LARP1B: variants seen among roughly 807,000 people sequenced by gnomAD.
LARP1B encodes the protein la-related protein 1B.
In LARP1B, 76 loss-of-function variants were observed where a neutral mutation model predicts 114.2. That is an observed-to-expected ratio of 0.67 (90% CI 0.55 to 0.81). LARP1B has a LOEUF of 0.81. Among genes scored for constraint, LARP1B ranks in the 30% least tolerant of loss-of-function variants. LARP1B has a pLI of 0.00. For synonymous variants in LARP1B, 345 were observed against 348.0 expected (o/e 0.99, Z 0.10); for missense variants, 1,014 against 1,075.8 (o/e 0.94, Z 0.80).
At chr4:128,162,357 T>G in intron 12 of LARP1B, 40 bp downstream of exon 12, 3 of 1,562,026 alleles carry the variant, frequency 1.9e-6, no homozygotes, top group Non-Finnish European at 2.6e-6. Flanking sequence ...TGAATAGTAT[T>G]AAAGCAGTTC....
At chr4:128,196,248 C>CAAAAAAAAAAAA (rs35423896) in intron 15 of LARP1B, among the ~76,000 whole-genome samples, 3 of 88,564 alleles carry the variant, frequency 3.4e-5, no homozygotes, top group African/African-American at 4.4e-5. Context: ...GAGAGTCTGT[C>CAAAAAAAAAAAA]AAAAAAAAAA....
chr4:128,156,462 G>A (rs1222579699), intron 11 of LARP1B, among the ~76,000 whole-genome samples: 1 of 152,004 alleles, frequency 6.6e-6, no homozygotes, highest in Non-Finnish European at 1.5e-5. Flanking sequence ...CATTTCTGCC[G>A]GAGGAATCCT....
intron 5 of LARP1B, among the ~76,000 whole-genome samples, chr4:128,082,696 C>T (rs1158396355): frequency 1.3e-5 from 2 of 151,058 alleles, no homozygotes; most frequent in Admixed American, 6.6e-5. Context: ...GTAGGATAAT[C>T]GTATTGTAGA....
downstream of LARP1B, among the ~76,000 whole-genome samples, chr4:128,212,391 C>T (rs1433255491): frequency 6.6e-6 from 1 of 152,078 alleles, no homozygotes; most frequent in African/African-American, 2.4e-5. Flanking sequence ...TGCCTGTAAT[C>T]CCAGCACTTT....
chr4:128,109,323 T>G (rs1036786773), intron 9 of LARP1B, among the ~76,000 whole-genome samples: 1 of 152,148 alleles, frequency 6.6e-6, no homozygotes, highest in African/African-American at 2.4e-5. Context: ...TTTGAAGACC[T>G]TAAAATTTTA....
At chr4:128,084,811 CT>C (rs1198824241) in intron 5 of LARP1B, among the ~76,000 whole-genome samples, 10 of 152,040 alleles carry the variant, frequency 6.6e-5, no homozygotes, top group East Asian at 3.9e-4. Flanking sequence ...TTGATTACCC[CT>C]GTAACTTTAT....
chr4:128,142,204 G>A (rs965270152), intron 11 of LARP1B, among the ~76,000 whole-genome samples: 10 of 152,302 alleles, frequency 6.6e-5, no homozygotes, highest in African/African-American at 2.4e-4. Context: ...CACTGGGAGT[G>A]CAGTTCTGGA....
At chr4:128,127,211 G>C (rs1221098842) in intron 11 of LARP1B, among the ~76,000 whole-genome samples, 1 of 151,732 alleles carries the variant, frequency 6.6e-6, no homozygotes, top group African/African-American at 2.4e-5. Flanking sequence ...AGTCCCAAAG[G>C]GTAGAATAAA....
chr4:128,091,121 G>A lies in LARP1B; in HGVS notation c.479G>A (p.Gly160Glu). ...GGAAGAGGCCGAGGACGGGGAAGAG[G>A]ACGAGGCAGAGGAAATCCTCGATGT... is the stretch of plus-strand genomic sequence containing the variant. ...GRGRGRGRGR[G>E]RGRGNPRLNF... Residue 160 changes from glycine (G) to glutamate (E), a missense_variant, in exon 6 of 20, where the codon GGA becomes GAA. Gly to Glu is a moderately conservative substitution (Grantham distance 98, BLOSUM62 -2). Transcript: ENST00000326639. 1.2e-6 allele frequency: 2 copies of A among 1,613,630 alleles called. No individual in the cohort carries two copies. Among genetic ancestry groups the A allele is most frequent in the Non-Finnish European group, 1.7e-6 (2 of 1,179,862 alleles).
chr4:128,062,251 G>C (rs1177586419), intron 1 of LARP1B: 1 of 985,348 alleles, frequency 1.0e-6, no homozygotes, highest in Non-Finnish European at 1.2e-6. Context: ...GGCACTGGCA[G>C]GGTGCGGGCA....
At chr4:128,122,537 G>A in intron 11 of LARP1B, 3 of 1,528,458 alleles carry the variant, frequency 2.0e-6, no homozygotes, top group Non-Finnish European at 1.7e-6. Context: ...AAGTTACTGT[G>A]GACAGGCTTA....
At chr4:128,130,095 A>G (rs1248070920) in intron 11 of LARP1B, among the ~76,000 whole-genome samples, 1 of 152,168 alleles carries the variant, frequency 6.6e-6, no homozygotes, top group African/African-American at 2.4e-5. Flanking sequence ...GCTCATGCCT[A>G]TAATCTCAGT....
intron 11 of LARP1B, among the ~76,000 whole-genome samples, chr4:128,141,549 A>G (rs1390722525): frequency 6.6e-6 from 1 of 152,182 alleles, no homozygotes; most frequent in Admixed American, 6.5e-5. Flanking sequence ...CGTTAGGCTC[A>G]TTGCATTTAC....
intron 13 of LARP1B, among the ~76,000 whole-genome samples, chr4:128,177,895 A>C (rs1450644372): frequency 1.3e-5 from 2 of 152,130 alleles, no homozygotes; most frequent in Non-Finnish European, 2.9e-5. Context: ...TTGATTAAAC[A>C]AAAAACTTTG....
At chr4:128,180,604 G>C (rs1445424258) in intron 15 of LARP1B, among the ~76,000 whole-genome samples, 2 of 152,088 alleles carry the variant, frequency 1.3e-5, no homozygotes, top group Admixed American at 1.3e-4. Context: ...CTTTTTATTG[G>C]AGCAGTATAT....
chr4:128,103,219 G>A (rs557899588), intron 8 of LARP1B, among the ~76,000 whole-genome samples: 40 of 152,198 alleles, frequency 2.6e-4, no homozygotes, highest in Admixed American at 8.5e-4. Flanking sequence ...TTTGTGCATG[G>A]TGTAATTTTT....
At chr4:128,104,986 A>G (rs1230896535) in intron 8 of LARP1B, among the ~76,000 whole-genome samples, 3 of 152,162 alleles carry the variant, frequency 2.0e-5, no homozygotes, top group African/African-American at 7.2e-5. Flanking sequence ...GACTTGCTTC[A>G]CATTCTAACC....
intron 11 of LARP1B, among the ~76,000 whole-genome samples, chr4:128,142,611 C>T (rs1728539881): frequency 6.6e-6 from 1 of 151,668 alleles, no homozygotes; most frequent in African/African-American, 2.4e-5. Context: ...CGGGTTCAAG[C>T]TATTCTTCTG....
intron 11 of LARP1B, among the ~76,000 whole-genome samples, chr4:128,144,939 G>A (rs1259154232): frequency 6.6e-6 from 1 of 152,066 alleles, no homozygotes; most frequent in Non-Finnish European, 1.5e-5. Context: ...TAACATTTGA[G>A]CGATCTACTG....
Sources: gnomAD v4.1 joint callset for allele counts (sites outside exome capture counted in the v4.1 genomes callset) on GRCh38, gnomAD v4.1.1 for gene constraint, MANE v1.5 for transcripts, NCBI Gene and HGNC (gene_info 2026-07-23, HGNC 2026-07-21) for gene names.